Variants in ANO4 observed in about 807,000 individuals in gnomAD.
ANO4 encodes anoctamin 4, also known as anoctamin-4.
Under a neutral mutation model 141.9 loss-of-function variants are expected in ANO4, and 69 were observed. The observed-to-expected ratio is 0.49, with a 90% confidence interval of 0.40 to 0.59. The LOEUF (loss-of-function observed/expected upper bound fraction) is 0.59, where lower values mean the gene tolerates loss of function less well. Among genes scored for constraint, ANO4 ranks in the 20% least tolerant of loss-of-function variants. The probability of loss-of-function intolerance (pLI) is 0.00; values close to 1 mark genes in which losing one functional copy is unlikely to be tolerated. For missense variants in ANO4, 894 were observed against 1,162.2 expected, an observed-to-expected ratio of 0.77 and a Z score of 3.36; for synonymous variants, 350 against 394.3, an observed-to-expected ratio of 0.89 and a Z score of 1.33.
chr12:100,950,841 A>G (rs1252861885), intron 5 of ANO4, among the ~76,000 whole-genome samples: 1 of 152,234 alleles, frequency 6.6e-6, no homozygotes, highest in Admixed American at 6.5e-5. Flanking sequence ...AATTAGTAGT[A>G]GAGATGCTGC....
chr12:101,105,287 C>A (rs2136990575), intron 22 of ANO4, among the ~76,000 whole-genome samples: 1 of 152,294 alleles, frequency 6.6e-6, no homozygotes, highest in South Asian at 2.1e-4. Context: ...AGGAGGAATT[C>A]TTTCTTTATG....
intron 9 of ANO4, among the ~76,000 whole-genome samples, chr12:101,024,595 CA>C (rs10713446): frequency 0.23 from 34,017 of 144,840 alleles, 4,043 homozygotes; most frequent in Non-Finnish European, 0.29. Context: ...GACTCTGTCT[CA>C]AAAAAAAAAA....
chr12:100,989,789 GGATGGATGGATA>G (rs1261403905), intron 8 of ANO4, among the ~76,000 whole-genome samples: 3 of 140,374 alleles, frequency 2.1e-5, no homozygotes, highest in Non-Finnish European at 4.8e-5. Flanking sequence ...ATGGATGGAT[GGATGGATGGATA>G]GATGGATGGA....
At chr12:100,909,542 G>A (rs1252729287) in intron 2 of ANO4, among the ~76,000 whole-genome samples, 1 of 152,186 alleles carries the variant, frequency 6.6e-6, no homozygotes, top group Non-Finnish European at 1.5e-5. Context: ...AAGTCAAACT[G>A]TATTAAGGGC....
chr12:101,000,982 G>C (rs117357589), intron 8 of ANO4, among the ~76,000 whole-genome samples: 35 of 152,268 alleles, frequency 2.3e-4, no homozygotes, highest in African/African-American at 6.7e-4. Flanking sequence ...TGCCTATTAT[G>C]TGCCACATAT....
At chr12:100,952,040 C>G (rs992910275) in intron 5 of ANO4, among the ~76,000 whole-genome samples, 1 of 152,082 alleles carries the variant, frequency 6.6e-6, no homozygotes, top group Non-Finnish European at 1.5e-5. Context: ...TGGGTTTGAC[C>G]CTTGATCCAA....
At position 101,074,622 on chromosome 12, in the gene ANO4, A is replaced by G. The variant is rs565954868; in HGVS notation, c.1313-4571A>G. Among the ~76,000 whole-genome samples, 5 of 152,324 alleles carry G rather than the reference A, an allele frequency of 3.3e-5. No homozygotes were observed. The East Asian group carries it at 5.8e-4, about 18-fold the overall frequency. On this transcript the variant is annotated intron_variant, in intron 14 of 27. Coordinates refer to ENST00000392977, the MANE Select transcript of ANO4 (RefSeq NM_001286615.2). ...GTCAGTAGTCTCTGCCACAGGGTCCATACAACCAAATAATGAGAGTGATAG... is the reference window on the plus strand; with the variant it reads ...GTCAGTAGTCTCTGCCACAGGGTCCGTACAACCAAATAATGAGAGTGATAG...
chr12:100,749,684 C>G (rs1321023905), intron 3 of ANO4, among the ~76,000 whole-genome samples: 1 of 152,164 alleles, frequency 6.6e-6, no homozygotes, highest in Non-Finnish European at 1.5e-5. Context: ...ATATAAGAGA[C>G]TGAAGAACTT....
intron 5 of ANO4, among the ~76,000 whole-genome samples, chr12:100,952,982 T>C (rs922502789): frequency 1.3e-5 from 2 of 152,038 alleles, no homozygotes; most frequent in Non-Finnish European, 2.9e-5. Flanking sequence ...GGGAAAAAAA[T>C]ACCCATTATA....
intron 1 of ANO4, among the ~76,000 whole-genome samples, chr12:100,847,753 G>C (rs1437444282): frequency 6.6e-6 from 1 of 152,230 alleles, no homozygotes; most frequent in African/African-American, 2.4e-5. Flanking sequence ...TTACAGGCGT[G>C]AGCCAAGATG....
chr12:100,848,373 A>T (rs2037691118), intron 1 of ANO4, among the ~76,000 whole-genome samples: 1 of 152,194 alleles, frequency 6.6e-6, no homozygotes. Context: ...CAGAGATCCT[A>T]GATACCTAGA....
At chr12:100,927,350 C>A (rs1232513680) in intron 3 of ANO4, among the ~76,000 whole-genome samples, 1 of 152,108 alleles carries the variant, frequency 6.6e-6, no homozygotes, top group Admixed American at 6.6e-5. Flanking sequence ...CTCTTGAGTT[C>A]ATCTAGTAAG....
intron 5 of ANO4, among the ~76,000 whole-genome samples, chr12:100,954,616 A>C (rs117270800): frequency 6.6e-6 from 1 of 152,206 alleles, no homozygotes; most frequent in Non-Finnish European, 1.5e-5. Context: ...TGCAGCCACC[A>C]GCCCTCCTAA....
chr12:100,870,540 C>G (rs1442992958), intron 1 of ANO4, among the ~76,000 whole-genome samples: 1 of 151,910 alleles, frequency 6.6e-6, no homozygotes, highest in Non-Finnish European at 1.5e-5. Context: ...GAAAACCATC[C>G]TGATTCTCTA....
intron 3 of ANO4, among the ~76,000 whole-genome samples, chr12:100,757,412 A>T (rs533321794): frequency 6.6e-6 from 1 of 152,154 alleles, no homozygotes; most frequent in African/African-American, 2.4e-5. Flanking sequence ...TTGTCTAGAG[A>T]ACAAAGTTTA....
At chr12:101,029,921 A>AAAAAAAAAAC (rs1182766763) in intron 9 of ANO4, among the ~76,000 whole-genome samples, 2 of 151,506 alleles carry the variant, frequency 1.3e-5, no homozygotes, top group Non-Finnish European at 2.9e-5. Flanking sequence ...AAAAAAAAAA[A>AAAAAAAAAAC]AGAGCTAACT....
At chr12:100,806,543 T>TGTGAGAG (rs2035058547) in intron 1 of ANO4, among the ~76,000 whole-genome samples, 1 of 54,446 alleles carries the variant, frequency 1.8e-5, no homozygotes, top group African/African-American at 8.9e-5. Context: ...TTTTTTTTTT[T>TGTGAGAG]TTTTTTTTTT....
intron 1 of ANO4, among the ~76,000 whole-genome samples, chr12:100,829,441 A>G (rs1368562752): frequency 6.6e-6 from 1 of 152,048 alleles, no homozygotes; most frequent in African/African-American, 2.4e-5. Flanking sequence ...TTCCACTTTC[A>G]TGTCAATATT....
chr12:100,754,577 G>A (rs539079890), intron 3 of ANO4, among the ~76,000 whole-genome samples: 100 of 152,218 alleles, frequency 6.6e-4, no homozygotes, highest in Middle Eastern at 3.4e-3. Flanking sequence ...ATATCCAAAA[G>A]AATTGAAAAC....
Sources: gnomAD v4.1 joint callset for allele counts (sites outside exome capture counted in the v4.1 genomes callset) on GRCh38, gnomAD v4.1.1 for gene constraint, MANE v1.5 for transcripts, NCBI Gene and HGNC (gene_info 2026-07-23, HGNC 2026-07-21) for gene names.